The following SIRPA variants were observed in gnomAD, a reference collection of about 807,000 sequenced individuals.
The protein encoded by SIRPA is signal regulatory protein alpha, also known as tyrosine-protein phosphatase non-receptor type substrate 1.
SIRPA carries 9 observed loss-of-function variants against 50.3 expected under a neutral mutation model. That is an observed-to-expected ratio of 0.18 (90% CI 0.11 to 0.31). The LOEUF (loss-of-function observed/expected upper bound fraction) is 0.31, where lower values mean the gene tolerates loss of function less well. Among genes scored for constraint, SIRPA ranks in the 10% least tolerant of loss-of-function variants. The probability of loss-of-function intolerance (pLI) is 1.00; values close to 1 mark genes in which losing one functional copy is unlikely to be tolerated. For missense variants in SIRPA, 474 were observed against 661.6 expected (o/e 0.72, Z 3.11); for synonymous variants, 265 against 284.1 (o/e 0.93, Z 0.68).
chr20:1,925,009 G>T, intron 5 of SIRPA, 132 bp downstream of exon 5: 2 of 709,966 alleles, frequency 2.8e-6, no homozygotes, highest in Non-Finnish European at 5.0e-6. Context: ...AGTGGTGCTA[G>T]GGCTGGGGCA....
chr20:1,911,639 C>T (rs1984891417), intron 1 of SIRPA, among the ~76,000 whole-genome samples: 3 of 152,172 alleles, frequency 2.0e-5, no homozygotes, highest in Admixed American at 1.3e-4. Flanking sequence ...GGGGTTACGT[C>T]CTCAGGGAGC....
At chr20:1,925,741 CA>C (rs1232092004) in intron 5 of SIRPA, among the ~76,000 whole-genome samples, 17 of 152,184 alleles carry the variant, frequency 1.1e-4, no homozygotes, top group African/African-American at 1.4e-4. Flanking sequence ...GGAGAAGTTA[CA>C]AGATCCAAAT....
At chr20:1,930,654 G>A (rs188798208) in intron 6 of SIRPA, among the ~76,000 whole-genome samples, 39 of 152,220 alleles carry the variant, frequency 2.6e-4, no homozygotes, top group Non-Finnish European at 5.3e-4. Flanking sequence ...GCAGTGGTGC[G>A]ATCTTGGCTC....
intron 6 of SIRPA, among the ~76,000 whole-genome samples, chr20:1,931,966 T>C (rs940402032): frequency 6.6e-6 from 1 of 152,186 alleles, no homozygotes; most frequent in African/African-American, 2.4e-5. Context: ...TGAGCCTAAC[T>C]CAGTGCCAAG....
At chr20:1,905,327 G>A (rs1296072288) in intron 1 of SIRPA, among the ~76,000 whole-genome samples, 4 of 152,172 alleles carry the variant, frequency 2.6e-5, no homozygotes, top group Middle Eastern at 3.2e-3. Context: ...AGAGGCGATC[G>A]CATGGGGTGG....
chr20:1,917,096 C>G (rs1833270351), intron 2 of SIRPA, among the ~76,000 whole-genome samples: 1 of 152,184 alleles, frequency 6.6e-6, no homozygotes, highest in African/African-American at 2.4e-5. Flanking sequence ...GCTCACTCCT[C>G]TTTGCCATGC....
chr20:1,920,626 G>A (rs770341427), intron 2 of SIRPA, among the ~76,000 whole-genome samples: 19 of 152,316 alleles, frequency 1.2e-4, no homozygotes, highest in Middle Eastern at 3.4e-3. Context: ...AAAGAAGACC[G>A]CAGATTCAGA....
rs140291455 is a variant in SIRPA, at chr20:1,898,061, C to T, written c.79+2535C>T. Among the ~76,000 whole-genome samples the T allele has an allele frequency of 3.9e-5, 6 of 152,330 alleles. No homozygotes were observed. The East Asian group carries it at 1.2e-3, about 29-fold the overall frequency. On this transcript the variant is annotated intron_variant, in intron 1 of 7. Coordinates refer to ENST00000358771, the MANE Select transcript of SIRPA (RefSeq NM_001040023.2). This position sits in a 1 kb window ranked among gnomAD's most constrained non-coding sequence, Gnocchi z 4.3. ...GGCCTTGAGACCTCTGAGTCACCCC[C>T]CAGGCCGACCTCAGATAAACTCCCA...
intron 1 of SIRPA, among the ~76,000 whole-genome samples, chr20:1,910,771 G>GA (rs1479195399): frequency 6.6e-6 from 1 of 151,986 alleles, no homozygotes; most frequent in African/African-American, 2.4e-5. Context: ...AGTAGGAGGG[G>GA]AAAAAAAGAG....
At position 1,900,086 on chromosome 20, in the gene SIRPA, T is replaced by C. The variant is rs2122970384; in HGVS notation, c.79+4560T>C. Among the ~76,000 whole-genome samples, 3 of 150,726 alleles carry C rather than the reference T, an allele frequency of 2.0e-5. No homozygotes were observed. In the South Asian group the frequency reaches 6.3e-4, roughly 31 times the overall value. ...ATGTCCTTCAGCTTGATATTTTCCTTGTAGCTTTTTTTTTTTCTTTTTTTT... is the reference window on the plus strand; with the variant it reads ...ATGTCCTTCAGCTTGATATTTTCCTCGTAGCTTTTTTTTTTTCTTTTTTTT... On this transcript the variant is annotated intron_variant, in intron 1 of 7. Transcript: ENST00000358771.
At chr20:1,894,995 G>A (rs1053910135), upstream of SIRPA, among the ~76,000 whole-genome samples, 43 of 147,616 alleles carry the variant, frequency 2.9e-4, no homozygotes, top group Non-Finnish European at 5.1e-4. The surrounding 1 kb of genome is among the most constrained non-coding windows in gnomAD (Gnocchi z 4.0). Context: ...GGCTCCGCGC[G>A]GCCGGGCTCG....
intron 1 of SIRPA, among the ~76,000 whole-genome samples, chr20:1,912,119 C>CT (rs1984924249): frequency 6.6e-6 from 1 of 151,910 alleles, no homozygotes; most frequent in African/African-American, 2.4e-5. Flanking sequence ...TCGAGAGGAG[C>CT]TAAAAAAAAA....
rs1600467345 is a variant in SIRPA, at chr20:1,936,789, C to G, written c.1267-531C>G. ...ACCATCAGCAGCACCTCCTCAGGCC[C>G]CCAAACAGACATGGTCCTGGGTAGC... On this transcript the variant is annotated intron_variant, in intron 7 of 7. Transcript: ENST00000358771. The surrounding 1 kb of genome is among the most constrained non-coding windows in gnomAD (Gnocchi z 4.2). Among the ~76,000 whole-genome samples, 1 of 152,160 alleles carries G rather than the reference C, an allele frequency of 6.6e-6. No homozygotes were observed. The highest frequency in any genetic ancestry group is 1.5e-5 in the Non-Finnish European group (1 of 68,040).
At chr20:1,925,549 G>C (rs200162629) in intron 5 of SIRPA, among the ~76,000 whole-genome samples, 1 of 152,228 alleles carries the variant, frequency 6.6e-6, no homozygotes, top group African/African-American at 2.4e-5. Flanking sequence ...CACGTGTTAC[G>C]TGTGTGTCTG....
chr20:1,895,777 G>A (rs1414545830), intron 1 of SIRPA, among the ~76,000 whole-genome samples: 1 of 152,228 alleles, frequency 6.6e-6, no homozygotes, highest in Non-Finnish European at 1.5e-5. Flanking sequence ...TGTGCACTGT[G>A]CTGGGCACTG....
At chr20:1,918,052 C>T (rs954945852) in intron 2 of SIRPA, among the ~76,000 whole-genome samples, 16 of 152,136 alleles carry the variant, frequency 1.1e-4, no homozygotes, top group African/African-American at 2.9e-4. Flanking sequence ...ACAGTGCCTT[C>T]GCTTTTCTCA....
intron 1 of SIRPA, among the ~76,000 whole-genome samples, chr20:1,897,172 GTGAGCACA>G (rs1983883203): frequency 2.0e-5 from 3 of 152,168 alleles, no homozygotes; most frequent in Admixed American, 6.5e-5. Flanking sequence ...CACCTTTCTT[GTGAGCACA>G]TCTCCCCCTT....
At chr20:1,904,791 T>A (rs1284489530) in intron 1 of SIRPA, among the ~76,000 whole-genome samples, 1 of 152,178 alleles carries the variant, frequency 6.6e-6, no homozygotes, top group Non-Finnish European at 1.5e-5. Flanking sequence ...GGCTCCTCTC[T>A]TGCAGGTCCC....
rs748524423 is a variant in SIRPA at position 1,915,402 on chromosome 20, G to T, written c.383G>T (p.Ser128Ile). The change falls in exon 2 of 8, where the codon AGC becomes ATC. Residue 128 changes from serine (S) to isoleucine (I), a missense_variant. Ser to Ile is a moderately radical substitution (Grantham distance 142, BLOSUM62 -2). Transcript: ENST00000358771. ...TYYCVKFRKG[S>I]PDDVEFKSGA... ...TACTGTGTGAAGTTCCGGAAAGGGA[G>T]CCCCGATGACGTGGAGTTTAAGTCT... 8.2e-6 allele frequency: 13 copies of T among 1,590,642 alleles called. No individual in the cohort carries two copies. Among genetic ancestry groups the T allele is most frequent in the South Asian group, 5.6e-5 (5 of 89,946 alleles).
Sources: gnomAD v4.1 joint callset for allele counts (sites outside exome capture counted in the v4.1 genomes callset) on GRCh38, gnomAD v4.1.1 for gene constraint, Gnocchi (gnomAD v3.1) non-coding constraint, MANE v1.5 for transcripts, NCBI Gene and HGNC (gene_info 2026-07-23, HGNC 2026-07-21) for gene names.